The following IQCM variants were observed in gnomAD, a reference collection of about 807,000 sequenced individuals.
The protein encoded by IQCM is IQ motif containing M, also known as IQ domain-containing protein M.
Under a neutral mutation model 57.6 loss-of-function variants are expected in IQCM, and 45 were observed. That is an observed-to-expected ratio of 0.78 (90% CI 0.62 to 1.00). The LOEUF (loss-of-function observed/expected upper bound fraction) is 1.00. IQCM is among the 50% of genes least tolerant of loss of function. The pLI is 0.00. For missense variants in IQCM, 468 were observed against 511.6 expected (o/e 0.91, Z 0.82); for synonymous variants, 148 against 158.9 (o/e 0.93, Z 0.51).
intron 13 of IQCM, among the ~76,000 whole-genome samples, chr4:149,402,345 T>C (rs951394337): frequency 1.3e-5 from 2 of 150,706 alleles, no homozygotes; most frequent in African/African-American, 4.9e-5. Context: ...GGTCACAAAA[T>C]ATATAAGGGA....
chr4:149,403,498 A>T (rs551350391), intron 13 of IQCM, among the ~76,000 whole-genome samples: 2 of 152,068 alleles, frequency 1.3e-5, no homozygotes, highest in South Asian at 4.1e-4. Flanking sequence ...AGCAATAGCA[A>T]TTTGCTATGG....
At chr4:149,799,016 A>G (rs970619824) in intron 2 of IQCM, among the ~76,000 whole-genome samples, 8 of 150,216 alleles carry the variant, frequency 5.3e-5, no homozygotes, top group Admixed American at 6.7e-5. Flanking sequence ...TTCATCCAAG[A>G]GCTGCAAGAT....
At chr4:149,727,706 G>C (rs1334775618) in intron 5 of IQCM, among the ~76,000 whole-genome samples, 2 of 152,136 alleles carry the variant, frequency 1.3e-5, no homozygotes, top group African/African-American at 4.8e-5. Context: ...TTATGTGTCA[G>C]CTGAAGCTGG....
intron 2 of IQCM, among the ~76,000 whole-genome samples, chr4:149,769,500 T>G (rs1333601628): frequency 6.6e-6 from 1 of 150,570 alleles, no homozygotes; most frequent in African/African-American, 2.4e-5. Context: ...CAAAATGATA[T>G]CAAAGATCCA....
intron 13 of IQCM, among the ~76,000 whole-genome samples, chr4:149,425,260 T>C (rs1490773805): frequency 6.6e-6 from 1 of 151,934 alleles, no homozygotes; most frequent in African/African-American, 2.4e-5. Context: ...GAGGAACAGA[T>C]CCAATAGGCT....
intron 8 of IQCM, among the ~76,000 whole-genome samples, chr4:149,603,851 T>C (rs1479036805): frequency 6.6e-6 from 1 of 152,092 alleles, no homozygotes; most frequent in Non-Finnish European, 1.5e-5. Context: ...TTTTTCCTCT[T>C]CTTAATATTA....
chr4:149,413,946 A>C (rs2111186270), intron 13 of IQCM, among the ~76,000 whole-genome samples: 1 of 152,316 alleles, frequency 6.6e-6, no homozygotes, highest in South Asian at 2.1e-4. Flanking sequence ...CTTCTGTTAC[A>C]AAATTAATGA....
chr4:149,595,382 C>T (rs1204331301), intron 8 of IQCM, among the ~76,000 whole-genome samples: 1 of 151,948 alleles, frequency 6.6e-6, no homozygotes, highest in African/African-American at 2.4e-5. Flanking sequence ...TGTGACCCTA[C>T]CAGAAACATT....
At chr4:149,762,233 G>GA (rs566639010) in intron 2 of IQCM, among the ~76,000 whole-genome samples, 2,933 of 142,612 alleles carry the variant, frequency 0.021, 74 homozygotes, top group African/African-American at 0.059. Context: ...GCTCAGTGAT[G>GA]AAAAAAAAAA....
At chr4:149,436,657 T>C (rs1560836031) in intron 12 of IQCM, among the ~76,000 whole-genome samples, 2 of 152,114 alleles carry the variant, frequency 1.3e-5, no homozygotes, top group Non-Finnish European at 2.9e-5. Context: ...CATCCCAAGA[T>C]AAAAGCAGGA....
intron 12 of IQCM, among the ~76,000 whole-genome samples, chr4:149,471,192 A>T (rs1739498027): frequency 6.6e-6 from 1 of 152,330 alleles, no homozygotes; most frequent in South Asian, 2.1e-4. Flanking sequence ...TGGTTTTTTG[A>T]AAAGATCAAC....
At chr4:149,436,316 T>C (rs1735362034) in intron 12 of IQCM, among the ~76,000 whole-genome samples, 1 of 152,138 alleles carries the variant, frequency 6.6e-6, no homozygotes, top group Non-Finnish European at 1.5e-5. Flanking sequence ...AAAATCTAAG[T>C]AGTGGTGAAT....
chr4:149,678,760 A>G (rs1051508619), intron 7 of IQCM, among the ~76,000 whole-genome samples: 3 of 151,664 alleles, frequency 2.0e-5, no homozygotes, highest in Non-Finnish European at 4.4e-5. Flanking sequence ...TGTTTCAAAA[A>G]AAGACATACG....
intron 12 of IQCM, among the ~76,000 whole-genome samples, chr4:149,477,095 G>A (rs1021963824): frequency 6.6e-6 from 1 of 152,140 alleles, no homozygotes; most frequent in African/African-American, 2.4e-5. Flanking sequence ...GAAATTAAGG[G>A]TAAAATAAGT....
At chr4:149,413,639 A>G (rs1733545804) in intron 13 of IQCM, among the ~76,000 whole-genome samples, 1 of 152,180 alleles carries the variant, frequency 6.6e-6, no homozygotes. Flanking sequence ...AAATTTACAG[A>G]GTTCGATTTG....
intron 2 of IQCM, among the ~76,000 whole-genome samples, chr4:149,791,274 C>T (rs1772581686): frequency 6.6e-6 from 1 of 151,848 alleles, no homozygotes; most frequent in African/African-American, 2.4e-5. Flanking sequence ...TTATTTTTAA[C>T]TAGAAACTTA....
chr4:149,513,853 A>G (rs1296556466), intron 12 of IQCM, among the ~76,000 whole-genome samples: 1 of 152,156 alleles, frequency 6.6e-6, no homozygotes, highest in East Asian at 1.9e-4. Context: ...AATAATGCTA[A>G]AATAAAAATT....
intron 12 of IQCM, among the ~76,000 whole-genome samples, chr4:149,448,962 C>T (rs1736795401): frequency 6.6e-6 from 1 of 151,418 alleles, no homozygotes; most frequent in Non-Finnish European, 1.5e-5. Context: ...GAATGTTTCC[C>T]AATTCATTAT....
intron 13 of IQCM, among the ~76,000 whole-genome samples, chr4:149,358,844 C>CAGTATATCATGATATACTCTCAGG (rs1729213968): frequency 2.8e-5 from 3 of 108,028 alleles, no homozygotes; most frequent in Admixed American, 8.6e-5. Context: ...GCACAGTGGA[C>CAGTATATCATGATATACTCTCAGG]AGTATATCAT....
Sources: allele counts gnomAD v4.1 joint callset (sites outside exome capture counted in the v4.1 genomes callset), GRCh38; gene constraint gnomAD v4.1.1; transcripts MANE v1.5; gene names NCBI Gene and HGNC (gene_info 2026-07-23, HGNC 2026-07-21).